The following MGAT4C variants were observed in gnomAD, a reference collection of about 807,000 sequenced individuals.
MGAT4C encodes alpha-1,3-mannosyl-glycoprotein 4-beta-N-acetylglucosaminyltransferase C.
Under a neutral mutation model 40.1 loss-of-function variants are expected in MGAT4C, and 19 were observed. That is an observed-to-expected ratio of 0.47 (90% CI 0.33 to 0.70). The LOEUF (loss-of-function observed/expected upper bound fraction) is 0.70, where lower values mean the gene tolerates loss of function less well. Among genes scored for constraint, MGAT4C ranks in the 30% least tolerant of loss-of-function variants. The probability of loss-of-function intolerance (pLI) is 0.02; values close to 1 mark genes in which losing one functional copy is unlikely to be tolerated. For synonymous variants in MGAT4C, 181 were observed against 187.1 expected (o/e 0.97, Z 0.27); for missense variants, 491 against 563.2 (o/e 0.87, Z 1.30).
chr12:85,973,553 T>C lies in MGAT4C; in HGVS notation c.*5736A>G, dbSNP rs1422951779. ...GTGCCTCATGGAAATTTGTATTTTATAGAAAAATATTGAATATTTTATTAT... is the reference window on the plus strand; with the variant it reads ...GTGCCTCATGGAAATTTGTATTTTACAGAAAAATATTGAATATTTTATTAT... On this transcript the variant is annotated 3_prime_UTR_variant, in exon 5 of 5. Transcript: ENST00000611864. 6.6e-6 allele frequency: 1 copy of C among 150,894 alleles called. No individual in the cohort carries two copies. Among genetic ancestry groups the C allele is most frequent in the Non-Finnish European group, 1.5e-5 (1 of 67,078 alleles). 9.3% of individuals were successfully genotyped at this position (150,894 alleles called of 1,614,324 possible).
chr12:86,108,241 G>C lies in MGAT4C; in HGVS notation c.-56-58518C>G, dbSNP rs1335932408. Among the ~76,000 whole-genome samples the C allele has an allele frequency of 2.0e-5, 3 of 151,998 alleles. No homozygotes were observed. In the East Asian group the frequency reaches 5.8e-4, roughly 29 times the overall value. On this transcript the variant is annotated intron_variant, in intron 1 of 4. Coordinates refer to ENST00000611864, the MANE Select transcript of MGAT4C (RefSeq NM_001351288.2). ...TCTTCCTTTGGCATTTAGACACAATGACTGGCCCTCATTAATGTTAAAATA... is the reference window on the plus strand; with the variant it reads ...TCTTCCTTTGGCATTTAGACACAATCACTGGCCCTCATTAATGTTAAAATA...
At chr12:86,528,960 TTAAAA>T (rs1217532347) in intron 2 of MGAT4C, among the ~76,000 whole-genome samples, 2 of 151,736 alleles carry the variant, frequency 1.3e-5, no homozygotes, top group East Asian at 1.9e-4. Flanking sequence ...ACCCCTGAAC[TTAAAA>T]TAAAAGTTGA....
intron 2 of MGAT4C, among the ~76,000 whole-genome samples, chr12:86,537,230 G>C (rs1020171775): frequency 1.3e-5 from 2 of 151,920 alleles, no homozygotes; most frequent in African/African-American, 4.8e-5. Context: ...GTGGGGTGTG[G>C]GGAGAGGGGA....
chr12:86,500,082 G>A (rs7139324), intron 2 of MGAT4C, among the ~76,000 whole-genome samples: 93,730 of 151,370 alleles, frequency 0.62, 29,541 homozygotes, highest in South Asian at 0.78. Context: ...TCAATGCATC[G>A]GAAATGAAAA....
rs77992512 is a variant in MGAT4C, at chr12:86,301,861, A to G, written c.-57+32204T>C. ...ATTTTGCAGACAAAATGTACAATCA[A>G]GGTTTATGATATATCTTATATTAAT... On this transcript the variant is annotated intron_variant, in intron 4 of 7. Transcript: ENST00000548651. Among the ~76,000 whole-genome samples, 277 of 152,340 alleles carry G rather than the reference A, an allele frequency of 1.8e-3. 7 individuals carry two copies. The East Asian group carries it at 0.047, about 26-fold the overall frequency.
chr12:86,802,369 G>A (rs577401819), intron 1 of MGAT4C, among the ~76,000 whole-genome samples: 1 of 151,842 alleles, frequency 6.6e-6, no homozygotes, highest in Admixed American at 6.6e-5. Context: ...TCCTTTTGAG[G>A]TGCTTTAGTT....
chr12:86,605,063 A>G (rs929622949), intron 2 of MGAT4C, among the ~76,000 whole-genome samples: 1 of 152,128 alleles, frequency 6.6e-6, no homozygotes, highest in African/African-American at 2.4e-5. Flanking sequence ...TCTATTTGTC[A>G]TGATTAGGGA....
intron 1 of MGAT4C, among the ~76,000 whole-genome samples, chr12:86,182,152 C>T (rs1413787899): frequency 6.6e-6 from 1 of 152,056 alleles, no homozygotes; most frequent in Non-Finnish European, 1.5e-5. Context: ...AAAATGATTA[C>T]TGTGAATATC....
At chr12:86,728,060 T>C (rs1036564511) in intron 1 of MGAT4C, among the ~76,000 whole-genome samples, 1 of 152,202 alleles carries the variant, frequency 6.6e-6, no homozygotes, top group Non-Finnish European at 1.5e-5. Flanking sequence ...ATAAGTTTTA[T>C]TCAGATAAAA....
intron 1 of MGAT4C, among the ~76,000 whole-genome samples, chr12:86,131,188 G>A (rs1267066514): frequency 6.6e-6 from 1 of 151,968 alleles, no homozygotes; most frequent in Admixed American, 6.6e-5. Context: ...TCCATAAAAT[G>A]TGATAATAAT....
intron 1 of MGAT4C, among the ~76,000 whole-genome samples, chr12:86,746,265 T>C (rs1951150049): frequency 6.6e-6 from 1 of 151,702 alleles, no homozygotes; most frequent in Non-Finnish European, 1.5e-5. Flanking sequence ...TTTTGTTGTG[T>C]TAAACCTCTG....
intron 1 of MGAT4C, among the ~76,000 whole-genome samples, chr12:86,078,754 C>T (rs773238712): frequency 7.2e-5 from 11 of 152,210 alleles, no homozygotes; most frequent in East Asian, 1.9e-4. Context: ...CATGGCCCAT[C>T]GGGCGATGAC....
intron 2 of MGAT4C, 68 bp downstream of exon 2, chr12:86,049,606 T>C (rs1892711569): frequency 1.3e-6 from 1 of 798,382 alleles, no homozygotes; most frequent in South Asian, 5.7e-5. Context: ...ACTTATTAAA[T>C]ATTTTTGATA....
rs138619101 is a variant in MGAT4C at position 86,095,593 on chromosome 12, GCTTTTAGCTT to G, written c.-56-45880_-56-45871del. ...ACCTATCTACTCATGCTTTATGCATGCTTTTAGCTTTCCTTTTCTTTTTGAGTAGAGAGGA... is the reference window on the plus strand; with the variant it reads ...ACCTATCTACTCATGCTTTATGCATGTCCTTTTCTTTTTGAGTAGAGAGGA... On this transcript the variant is annotated intron_variant, in intron 1 of 4. Coordinates refer to ENST00000611864, the MANE Select transcript of MGAT4C (RefSeq NM_001351288.2). Among the ~76,000 whole-genome samples the G allele has an allele frequency of 4.7e-4, 70 of 150,058 alleles. No individual in the cohort carries two copies. In the Middle Eastern group the frequency reaches 0.01, roughly 22 times the overall value.
At chr12:86,422,281 T>C (rs1046732745) in intron 3 of MGAT4C, among the ~76,000 whole-genome samples, 1 of 152,214 alleles carries the variant, frequency 6.6e-6, no homozygotes, top group Non-Finnish European at 1.5e-5. Context: ...CAAAATTCTG[T>C]CAGCAGATAT....
At chr12:86,256,503 C>T (rs1201978710), upstream of MGAT4C, 1 of 152,138 alleles carries the variant, frequency 6.6e-6, no homozygotes. Flanking sequence ...TAACCCTAAA[C>T]TGTCAGCTAC....
chr12:86,476,593 G>GAAA (rs541370154), intron 2 of MGAT4C, among the ~76,000 whole-genome samples: 1 of 148,700 alleles, frequency 6.7e-6, no homozygotes, highest in African/African-American at 2.5e-5. Flanking sequence ...ATACCCAAAG[G>GAAA]AAAAAAAAAA....
intron 3 of MGAT4C, among the ~76,000 whole-genome samples, chr12:86,393,110 C>G (rs908952789): frequency 2.6e-5 from 4 of 151,958 alleles, no homozygotes; most frequent in African/African-American, 9.7e-5. Context: ...AAAAATTACT[C>G]TAAAAATACT....
intron 2 of MGAT4C, among the ~76,000 whole-genome samples, chr12:86,700,686 A>G (rs1171124169): frequency 6.6e-6 from 1 of 152,094 alleles, no homozygotes; most frequent in African/African-American, 2.4e-5. Context: ...AATGACCATA[A>G]CTTTCCTGTG....
Sources: gnomAD v4.1 joint callset for allele counts (sites outside exome capture counted in the v4.1 genomes callset) on GRCh38, gnomAD v4.1.1 for gene constraint, MANE v1.5 for transcripts, NCBI Gene and HGNC (gene_info 2026-07-23, HGNC 2026-07-21) for gene names.